The following GREB1L variants were observed in gnomAD, a reference collection of about 807,000 sequenced individuals.
GREB1L encodes GREB1-like protein.
GREB1L carries 17 observed loss-of-function variants against 200.8 expected under a neutral mutation model. The ratio of observed to expected loss-of-function variants is 0.08; its 90% CI spans 0.06 to 0.13. The LOEUF (loss-of-function observed/expected upper bound fraction) is 0.13, where lower values mean the gene tolerates loss of function less well. GREB1L is among the 10% of genes least tolerant of loss of function. The pLI is 1.00. For synonymous variants in GREB1L, 789 were observed against 893.0 expected (o/e 0.88, Z 2.08); for missense variants, 1,657 against 2,367.7 (o/e 0.70, Z 6.23).
At chr18:21,315,666 T>C (rs2038856031) in intron 1 of GREB1L, among the ~76,000 whole-genome samples, 1 of 152,160 alleles carries the variant, frequency 6.6e-6, no homozygotes, top group South Asian at 2.1e-4. Flanking sequence ...CAGGGAGGCC[T>C]ACTAATATAT....
chr18:21,473,568 CAAAA>C (rs1261372851), intron 16 of GREB1L, among the ~76,000 whole-genome samples: 2 of 46,666 alleles, frequency 4.3e-5, no homozygotes, highest in Non-Finnish European at 4.2e-5. Context: ...GACTTTGTCT[CAAAA>C]AAAAAAAAAA....
chr18:21,335,733 G>A (rs139812902), intron 1 of GREB1L, among the ~76,000 whole-genome samples: 3 of 149,278 alleles, frequency 2.0e-5, no homozygotes, highest in South Asian at 2.1e-4. Context: ...GCTCAATCTC[G>A]GCTCACTGCA....
chr18:21,376,830 AAAAG>A (rs1183173749), intron 2 of GREB1L, among the ~76,000 whole-genome samples: 10 of 151,624 alleles, frequency 6.6e-5, no homozygotes, highest in Admixed American at 1.3e-4. Context: ...AAAAAAAAAA[AAAAG>A]AAAGCCAACT....
intron 4 of GREB1L, among the ~76,000 whole-genome samples, chr18:21,389,333 G>GTTTTTTT (rs78492131): frequency 5.1e-4 from 49 of 95,620 alleles, no homozygotes; most frequent in Non-Finnish European, 6.3e-4. Context: ...TATGGGGTGG[G>GTTTTTTT]TTTTTTTTTT....
chr18:21,459,538 C>T (rs1378196161), intron 15 of GREB1L, among the ~76,000 whole-genome samples: 3 of 151,996 alleles, frequency 2.0e-5, no homozygotes, highest in East Asian at 1.9e-4. Flanking sequence ...CTGCCCACCT[C>T]GGCCTCCCAA....
At position 21,342,284 on chromosome 18, in the gene GREB1L, G is replaced by A. The variant is rs184231606; in HGVS notation, c.-119-23743G>A. 9.2e-5 allele frequency among the ~76,000 whole-genome samples: 14 copies of A among 152,188 alleles called. No individual in the cohort carries two copies. The East Asian group carries it at 2.7e-3, about 29-fold the overall frequency. On this transcript the variant is annotated intron_variant, in intron 1 of 32. Transcript: ENST00000424526. ...AAAGAGAAAAAGGCCACTGTGTCTG[G>A]TTGGTGAATTTTGGTCATGAACATG...
intron 1 of GREB1L, among the ~76,000 whole-genome samples, chr18:21,275,265 A>G (rs751134980): frequency 6.6e-6 from 1 of 151,974 alleles, no homozygotes; most frequent in African/African-American, 2.4e-5. Context: ...AATGTTGGTT[A>G]TATTTCATAA....
At position 21,467,187 on chromosome 18, in the gene GREB1L, A is replaced by G. The variant is rs530540763; in HGVS notation, c.2183-5844A>G. ...GTATAAATATTTGTGACCTTGGAAT[A>G]CTAATAATTATTTCTTGTATATGAC... On this transcript the variant is annotated intron_variant, in intron 15 of 32. Transcript: ENST00000424526. Among the ~76,000 whole-genome samples, 51 of 152,364 alleles carry G rather than the reference A, an allele frequency of 3.3e-4. 1 individual carries two copies. The South Asian group carries it at 8.5e-3, about 25-fold the overall frequency.
chr18:21,513,958 A>T lies in GREB1L; in HGVS notation c.4873A>T (p.Asn1625Tyr). ...VMMDDSCVLW[N>Y]IHSVQEPSSQ... ...GATGGATGACTCATGTGTCCTATGG[A>T]ACATTCACAGTGTTCAGGAGCCATC... Residue 1625 changes from asparagine (N) to tyrosine (Y), a missense_variant, in exon 28 of 33, where the codon AAC (asparagine) becomes TAC (tyrosine). Asn to Tyr is a moderately radical substitution (Grantham distance 143). Around this residue, in one of 9 missense-constraint regions of GREB1L, gnomAD observed 151 missense variants for 309.6 expected, o/e 0.49. Transcript: ENST00000424526. 10 of 1,551,678 alleles carry T rather than the reference A, an allele frequency of 6.4e-6. No homozygotes were observed. Among genetic ancestry groups the T allele is most frequent in the Non-Finnish European group, 8.7e-6 (10 of 1,146,978 alleles).
At position 21,420,393 on chromosome 18, in the gene GREB1L, G is replaced by T. The variant is rs1211873522; in HGVS notation, c.832+16399G>T. On this transcript the variant is annotated intron_variant, in intron 7 of 32. Coordinates refer to ENST00000424526, the MANE Select transcript of GREB1L (RefSeq NM_001142966.3). ...CATCTCGAAAAAAAAAAAAAGAAAA[G>T]AAAAGCCACAGGATAGGAGAAAAAT... Among the ~76,000 whole-genome samples, 5 of 147,510 alleles carry T rather than the reference G, an allele frequency of 3.4e-5. No homozygotes were observed. In the Middle Eastern group the frequency reaches 0.011, roughly 314 times the overall value.
At chr18:21,387,200 C>T (rs892255227) in intron 4 of GREB1L, among the ~76,000 whole-genome samples, 2 of 152,150 alleles carry the variant, frequency 1.3e-5, no homozygotes, top group African/African-American at 4.8e-5. Flanking sequence ...GCTTTGATTA[C>T]TCTAGTTTGT....
rs140887476 is a variant in GREB1L, at chr18:21,421,630, C to A, written c.832+17636C>A. On this transcript the variant is annotated intron_variant, in intron 7 of 32. Coordinates refer to ENST00000424526, the MANE Select transcript of GREB1L (RefSeq NM_001142966.3). ...CTGGAAAACCTTTAACAAGATTTAG[C>A]AAAGCATTTGCTGAATATCTACTGT... is the stretch of plus-strand genomic sequence containing the variant. Among the ~76,000 whole-genome samples, 111 of 152,296 alleles carry A rather than the reference C, an allele frequency of 7.3e-4. 1 individual carries two copies. Among genetic ancestry groups the A allele is most frequent in the African/African-American group, 2.6e-3 (107 of 41,568 alleles).
chr18:21,431,924 T>C (rs564397359), intron 7 of GREB1L, among the ~76,000 whole-genome samples: 78 of 136,652 alleles, frequency 5.7e-4, no homozygotes, highest in African/African-American at 1.5e-3. Context: ...CTTTTCTTTT[T>C]TTTTTTTTTT....
chr18:21,518,716 G>A (rs565204980), intron 31 of GREB1L, among the ~76,000 whole-genome samples: 6 of 152,286 alleles, frequency 3.9e-5, no homozygotes, highest in African/African-American at 1.4e-4. Flanking sequence ...ACAAATAAAT[G>A]TGTATCACCT....
At chr18:21,434,539 A>ATATCTG in intron 7 of GREB1L, among the ~76,000 whole-genome samples, 1 of 132,332 alleles carries the variant, frequency 7.6e-6, no homozygotes, top group African/African-American at 3.4e-5. Context: ...GTGTATATAT[A>ATATCTG]TGTGTATATA....
intron 22 of GREB1L, 93 bp downstream of exon 22, chr18:21,500,399 A>G: frequency 1.2e-6 from 1 of 820,380 alleles, no homozygotes; most frequent in Non-Finnish European, 2.0e-6. Context: ...GGGGTGGAGC[A>G]GGTGTGACAG....
intron 1 of GREB1L, among the ~76,000 whole-genome samples, chr18:21,273,755 C>T (rs1484510469): frequency 6.6e-6 from 1 of 152,022 alleles, no homozygotes; most frequent in East Asian, 1.9e-4. Flanking sequence ...TTTGAAGGTG[C>T]TAAGAGGAAG....
chr18:21,373,180 C>T (rs1326206046), intron 2 of GREB1L, among the ~76,000 whole-genome samples: 1 of 152,156 alleles, frequency 6.6e-6, no homozygotes, highest in Non-Finnish European at 1.5e-5. Context: ...TGATGCTAAG[C>T]TCAACCAGTG....
At chr18:21,393,939 TAAAATGAAG>T (rs1427189032) in intron 4 of GREB1L, among the ~76,000 whole-genome samples, 1 of 152,038 alleles carries the variant, frequency 6.6e-6, no homozygotes, top group Non-Finnish European at 1.5e-5. Context: ...ATGGCTTAGG[TAAAATGAAG>T]AAATTACTGA....
Sources: allele counts gnomAD v4.1 joint callset (sites outside exome capture counted in the v4.1 genomes callset), GRCh38; gene constraint gnomAD v4.1.1; regional missense constraint gnomAD v4.1.1; transcripts MANE v1.5; gene names NCBI Gene and HGNC (gene_info 2026-07-23, HGNC 2026-07-21).